DIP2C: variants seen among roughly 807,000 people sequenced by gnomAD.
The protein encoded by DIP2C is disco-interacting protein 2 homolog C.
DIP2C carries 33 observed loss-of-function variants against 192.4 expected under a neutral mutation model. The observed-to-expected ratio is 0.17, with a 90% CI of 0.13 to 0.23. DIP2C has a LOEUF of 0.23. Among genes scored for constraint, DIP2C ranks in the 10% least tolerant of loss-of-function variants. The pLI is 1.00. For missense variants in DIP2C, 1,537 were observed against 2,110.1 expected (o/e 0.73, Z 5.32); for synonymous variants, 979 against 864.1 (o/e 1.13, Z -2.33).
intron 1 of DIP2C, among the ~76,000 whole-genome samples, chr10:578,887 A>C (rs1050117813): frequency 3.3e-5 from 5 of 152,062 alleles, no homozygotes; most frequent in Admixed American, 3.3e-4. Flanking sequence ...ACGTGCATAG[A>C]GCATACACAC....
chr10:575,561 T>C (rs1850097960), intron 1 of DIP2C, among the ~76,000 whole-genome samples: 1 of 152,234 alleles, frequency 6.6e-6, no homozygotes, highest in Admixed American at 6.5e-5. Flanking sequence ...TTCTCCCTGC[T>C]ATGGGCACGT....
At chr10:607,705 T>C (rs1852598166) in intron 1 of DIP2C, among the ~76,000 whole-genome samples, 1 of 152,082 alleles carries the variant, frequency 6.6e-6, no homozygotes. Flanking sequence ...GGTTGAAAAA[T>C]CACAAGTGTA....
chr10:307,188 CTTCTT>C (rs1299125474), intron 32 of DIP2C, among the ~76,000 whole-genome samples: 5 of 152,314 alleles, frequency 3.3e-5, no homozygotes, highest in Non-Finnish European at 5.9e-5. Flanking sequence ...GCCAAATACA[CTTCTT>C]TTCTTTATAA....
intron 9 of DIP2C, among the ~76,000 whole-genome samples, chr10:401,863 G>A (rs1047160656): frequency 1.3e-5 from 2 of 151,284 alleles, no homozygotes; most frequent in African/African-American, 2.4e-5. Flanking sequence ...TCTTCCTTAT[G>A]GACAAGTTTG....
At chr10:344,660 G>A (rs1958340631) in intron 28 of DIP2C, 149 bp downstream of exon 28, 1 of 673,124 alleles carries the variant, frequency 1.5e-6, no homozygotes, top group Non-Finnish European at 2.6e-6. Flanking sequence ...GGTCATACGT[G>A]TCATACCGTG....
At chr10:347,451 A>G (rs1290785946) in intron 26 of DIP2C, among the ~76,000 whole-genome samples, 6 of 126,942 alleles carry the variant, frequency 4.7e-5, no homozygotes, top group East Asian at 5.2e-4. Context: ...GCACCCAGAC[A>G]CATCGCGCAT....
chr10:453,098 G>T (rs1168550691), intron 3 of DIP2C, among the ~76,000 whole-genome samples: 2 of 152,212 alleles, frequency 1.3e-5, no homozygotes, highest in African/African-American at 4.8e-5. Flanking sequence ...GGGTAAACAG[G>T]TTGCTACAAA....
At chr10:508,552 C>T (rs1004082778) in intron 1 of DIP2C, among the ~76,000 whole-genome samples, 13 of 152,174 alleles carry the variant, frequency 8.5e-5, no homozygotes, top group African/African-American at 3.1e-4. Flanking sequence ...TTCCTGTGAG[C>T]CGCTAAGCTC....
At chr10:461,344 T>C (rs1006587066) in intron 3 of DIP2C, among the ~76,000 whole-genome samples, 2 of 152,004 alleles carry the variant, frequency 1.3e-5, no homozygotes, top group Non-Finnish European at 2.9e-5. Flanking sequence ...AAATAAAGGA[T>C]GGAGGAATAT....
Position 620,146 on chromosome 10 carries a change from G to A in DIP2C, c.85+69348C>T, listed in dbSNP as rs112034821. Among the ~76,000 whole-genome samples the A allele has an allele frequency of 9.3e-3, 1,411 of 152,292 alleles. 18 individuals carry two copies. Among genetic ancestry groups the A allele is most frequent in the African/African-American group, 0.032 (1,321 of 41,542 alleles). On this transcript the variant is annotated intron_variant, in intron 1 of 36. Transcript: ENST00000280886. ...GACGCCACAGCCGATCTGGCTGGAC[G>A]GAGAGCATTTCCCCTTGTATAGTCT...
chr10:578,930 CTGTAACA>C (rs1378598807), intron 1 of DIP2C, among the ~76,000 whole-genome samples: 1 of 152,066 alleles, frequency 6.6e-6, no homozygotes, highest in Non-Finnish European at 1.5e-5. Context: ...CATAGGCACA[CTGTAACA>C]TGTGTACGTG....
chr10:688,419 A>G (rs926860785), intron 1 of DIP2C, among the ~76,000 whole-genome samples: 20 of 152,178 alleles, frequency 1.3e-4, no homozygotes, highest in African/African-American at 4.8e-4. Flanking sequence ...AGGAAAACAT[A>G]AAGTCAACAC....
At chr10:432,346 C>T (rs75593229) in intron 4 of DIP2C, among the ~76,000 whole-genome samples, 2,473 of 152,246 alleles carry the variant, frequency 0.016, 76 homozygotes, top group African/African-American at 0.056. Context: ...GAAAGGTTAT[C>T]AACTACTGAT....
intron 1 of DIP2C, among the ~76,000 whole-genome samples, chr10:609,763 G>C (rs1299374381): frequency 6.6e-6 from 1 of 152,102 alleles, no homozygotes; most frequent in African/African-American, 2.4e-5. Context: ...CATTTTTTAA[G>C]AAGTTAAAAA....
At position 655,864 on chromosome 10, in the gene DIP2C, CTTCTA is replaced by C. The variant is rs548754283; in HGVS notation, c.85+33625_85+33629del. ...ACTATACTATATAATGTTACAGTTT[CTTCTA>C]TTCTATGTTACCCTATAGAACACTC... On this transcript the variant is annotated intron_variant, in intron 1 of 36. Transcript: ENST00000280886. 1.3e-3 allele frequency among the ~76,000 whole-genome samples: 190 copies of C among 148,852 alleles called. 1 individual carries two copies. Among genetic ancestry groups the C allele is most frequent in the Middle Eastern group, 0.012 (3 of 258 alleles).
chr10:554,605 C>G lies in DIP2C; in HGVS notation c.86-68075G>C, dbSNP rs867012112. Among the ~76,000 whole-genome samples, 9 of 152,352 alleles carry G rather than the reference C, an allele frequency of 5.9e-5. No individual in the cohort carries two copies. The South Asian group carries it at 1.7e-3, about 28-fold the overall frequency. ...TTGAGACACAGAAGGGGCAAGACCC[C>G]GGTTCCCTTCTCCTCCCCACTGCCC... is the stretch of plus-strand genomic sequence containing the variant. On this transcript the variant is annotated intron_variant, in intron 1 of 36. Transcript: ENST00000280886.
intron 1 of DIP2C, among the ~76,000 whole-genome samples, chr10:500,562 C>G: frequency 6.6e-6 from 1 of 152,168 alleles, no homozygotes; most frequent in Non-Finnish European, 1.5e-5. Flanking sequence ...CTATTGTGTG[C>G]CATGCAATGG....
intron 20 of DIP2C, 25 bp downstream of exon 20, chr10:364,349 G>A (rs200737131): frequency 1.9e-6 from 3 of 1,597,956 alleles, no homozygotes; most frequent in Admixed American, 3.4e-5. Flanking sequence ...GAAACCATAT[G>A]CTTGATTTGC....
intron 29 of DIP2C, among the ~76,000 whole-genome samples, chr10:340,064 C>G (rs1473157225): frequency 6.6e-6 from 1 of 151,866 alleles, no homozygotes; most frequent in Non-Finnish European, 1.5e-5. Context: ...ACCTCTAATC[C>G]CAGCTACTCG....
Sources: allele counts gnomAD v4.1 joint callset (sites outside exome capture counted in the v4.1 genomes callset), GRCh38; gene constraint gnomAD v4.1.1; transcripts MANE v1.5; gene names NCBI Gene and HGNC (gene_info 2026-07-23, HGNC 2026-07-21).